Variants in CLIC4 observed in about 807,000 individuals in gnomAD.
CLIC4 encodes CLIC family member 4, also known as chloride intracellular channel protein 4.
A neutral mutation model predicts 24.6 loss-of-function variants in CLIC4; 13 were observed. The observed-to-expected ratio is 0.53, with a 90% CI of 0.34 to 0.84. The LOEUF is 0.84. Among genes scored for constraint, CLIC4 ranks in the 40% least tolerant of loss-of-function variants. The pLI, the probability that CLIC4 is intolerant of heterozygous loss-of-function variation, is 0.01. For missense variants in CLIC4, 227 were observed against 301.7 expected, an observed-to-expected ratio of 0.75 and a Z score of 1.83; for synonymous variants, 104 against 111.3, an observed-to-expected ratio of 0.93 and a Z score of 0.41.
chr1:24,836,973 T>C (rs1639892080), intron 4 of CLIC4, among the ~76,000 whole-genome samples: 2 of 152,240 alleles, frequency 1.3e-5, no homozygotes, highest in South Asian at 4.1e-4. Context: ...TTGTGAGATA[T>C]GGCTAAAACT....
intron 2 of CLIC4, among the ~76,000 whole-genome samples, chr1:24,802,773 G>A (rs906227034): frequency 1.3e-5 from 2 of 149,344 alleles, no homozygotes; most frequent in African/African-American, 5.0e-5. Flanking sequence ...GCAGTGGCAC[G>A]ATCACAGCTT....
intron 1 of CLIC4, among the ~76,000 whole-genome samples, chr1:24,778,357 C>G (rs555781454): frequency 1.2e-4 from 18 of 152,200 alleles, no homozygotes; most frequent in African/African-American, 3.6e-4. Context: ...ATACATAAAA[C>G]TAGTTTTATA....
At chr1:24,799,688 G>A (rs113959050) in intron 2 of CLIC4, among the ~76,000 whole-genome samples, 3 of 141,670 alleles carry the variant, frequency 2.1e-5, no homozygotes, top group Non-Finnish European at 3.1e-5. Context: ...CGCCCCGTCC[G>A]GGAGGGAGGT....
intron 3 of CLIC4, 115 bp downstream of exon 3, chr1:24,814,334 A>C: frequency 8.5e-7 from 1 of 1,173,118 alleles, no homozygotes; most frequent in Non-Finnish European, 1.2e-6. Flanking sequence ...ACTCTCTTCT[A>C]TGTTTCTTAT....
rs1639968556 is a variant in CLIC4 at position 24,844,011 on chromosome 1, C to A, written c.*3074C>A. ...GAGAGGGGAGCATCCATTATTGATA[C>A]ATGTGGGCTTTTAAAAACTCCATCC... On this transcript the variant is annotated 3_prime_UTR_variant, in exon 6 of 6. Coordinates refer to ENST00000374379, the MANE Select transcript of CLIC4 (RefSeq NM_013943.3). 1 of 152,582 alleles carries A rather than the reference C, an allele frequency of 6.6e-6. No homozygotes were observed. Among genetic ancestry groups the A allele is most frequent in the South Asian group, 2.1e-4 (1 of 4,836 alleles). The allele number at this position is 152,582 out of a possible 1,614,324, so 9.5% of individuals were successfully genotyped here.
intron 2 of CLIC4, among the ~76,000 whole-genome samples, chr1:24,800,620 G>A (rs1639476634): frequency 6.6e-6 from 1 of 152,220 alleles, no homozygotes; most frequent in Non-Finnish European, 1.5e-5. Context: ...TTGTGGAATA[G>A]AAAGGCGGGA....
At chr1:24,795,944 G>A (rs182472977) in intron 1 of CLIC4, among the ~76,000 whole-genome samples, 69 of 152,184 alleles carry the variant, frequency 4.5e-4, no homozygotes, top group Admixed American at 2.6e-3. Flanking sequence ...TTTGCCTTAC[G>A]AAGAATACTG....
In CLIC4 at chr1:24,822,049, C is replaced by T. The variant is rs1639739929; in HGVS notation, c.309-4961C>T. Among the ~76,000 whole-genome samples the T allele has an allele frequency of 2.0e-5, 3 of 152,160 alleles. No homozygotes were observed. The South Asian group carries it at 6.2e-4, about 31-fold the overall frequency. On this transcript the variant is annotated intron_variant, in intron 3 of 5. Coordinates refer to ENST00000374379, the MANE Select transcript of CLIC4 (RefSeq NM_013943.3). ...TGAAGATGTAATCCAAATAATTTGT[C>T]CAAGGTTTCACAGTTAATGGTGGCA...
chr1:24,771,622 A>G (rs1288487125), intron 1 of CLIC4, among the ~76,000 whole-genome samples: 1 of 152,178 alleles, frequency 6.6e-6, no homozygotes, highest in Non-Finnish European at 1.5e-5. Flanking sequence ...TGTGCATAGT[A>G]TAGGAATATA....
chr1:24,772,796 T>C (rs1325054546), intron 1 of CLIC4, among the ~76,000 whole-genome samples: 2 of 152,222 alleles, frequency 1.3e-5, no homozygotes, highest in Admixed American at 6.5e-5. Context: ...TTTTGTAATA[T>C]ATTTTAATGA....
intron 2 of CLIC4, among the ~76,000 whole-genome samples, chr1:24,803,971 A>G (rs1639518587): frequency 6.6e-6 from 1 of 152,218 alleles, no homozygotes; most frequent in African/African-American, 2.4e-5. Context: ...ATAGTTCTGC[A>G]TATCTTAAAA....
At chr1:24,828,601 G>A (rs1639810537) in intron 4 of CLIC4, among the ~76,000 whole-genome samples, 1 of 151,492 alleles carries the variant, frequency 6.6e-6, no homozygotes, top group East Asian at 1.9e-4. Context: ...TTTGGGAGTT[G>A]GAGGGTGGTT....
chr1:24,802,934 C>G (rs912541833), intron 2 of CLIC4, among the ~76,000 whole-genome samples: 12 of 152,052 alleles, frequency 7.9e-5, no homozygotes, highest in African/African-American at 2.9e-4. Flanking sequence ...GTCTTGAACT[C>G]CTGGGCTCAA....
At chr1:24,839,826 T>A (rs371309590) in intron 4 of CLIC4, 34 bp from the exon 5 acceptor site, 76 of 1,581,770 alleles carry the variant, frequency 4.8e-5, no homozygotes, top group Non-Finnish European at 6.0e-6. Context: ...TTTTCCTTCT[T>A]ACAGTATTCT....
At chr1:24,772,909 G>A (rs928948039) in intron 1 of CLIC4, among the ~76,000 whole-genome samples, 2 of 152,116 alleles carry the variant, frequency 1.3e-5, no homozygotes, top group Admixed American at 1.3e-4. Context: ...ATAAAATATT[G>A]TATAGCATTT....
intron 2 of CLIC4, among the ~76,000 whole-genome samples, chr1:24,813,670 C>T (rs760222841): frequency 1.6e-4 from 24 of 150,686 alleles, no homozygotes; most frequent in Admixed American, 3.3e-4. Context: ...CCACCCGCCT[C>T]GGCCTCCCAA....
intron 3 of CLIC4, among the ~76,000 whole-genome samples, chr1:24,815,592 A>G (rs897217333): frequency 6.6e-6 from 1 of 152,220 alleles, no homozygotes; most frequent in East Asian, 1.9e-4. Flanking sequence ...GCCTTGATGT[A>G]GCTGGCTACT....
intron 3 of CLIC4, among the ~76,000 whole-genome samples, chr1:24,821,245 G>A (rs1310354971): frequency 6.6e-6 from 1 of 152,134 alleles, no homozygotes; most frequent in Admixed American, 6.6e-5. Flanking sequence ...CTCTCTGAGG[G>A]AAAGTGACAT....
chr1:24,827,159 C>T (rs1209205951), intron 4 of CLIC4, 43 bp downstream of exon 4: 3 of 1,168,462 alleles, frequency 2.6e-6, no homozygotes, highest in Non-Finnish European at 3.8e-6. Context: ...CAAAAAACCC[C>T]AAACAACAAC....
Sources: gnomAD v4.1 joint callset for allele counts (sites outside exome capture counted in the v4.1 genomes callset) on GRCh38, gnomAD v4.1.1 for gene constraint, MANE v1.5 for transcripts, NCBI Gene and HGNC (gene_info 2026-07-23, HGNC 2026-07-21) for gene names.